The following CSF3R variants were observed in gnomAD, a reference collection of about 807,000 sequenced individuals.
CSF3R encodes granulocyte colony-stimulating factor receptor.
A neutral mutation model predicts 84.4 loss-of-function variants in CSF3R; 52 were observed. The ratio of observed to expected loss-of-function variants is 0.62; its 90% CI spans 0.49 to 0.78. The LOEUF is 0.78. Ranked by LOEUF, CSF3R falls within the 30% of genes least tolerant of loss-of-function variation. The pLI is 0.00. For synonymous variants in CSF3R, 384 were observed against 429.1 expected, an observed-to-expected ratio of 0.89 and a Z score of 1.30; for missense variants, 890 against 1,055.7, an observed-to-expected ratio of 0.84 and a Z score of 2.17.
At position 36,469,722 on chromosome 1, in the gene CSF3R, G is replaced by T; in HGVS notation, c.1404C>A (p.Pro468=). 6.2e-7 allele frequency: 1 copy of T among 1,613,910 alleles called. No individual in the cohort carries two copies. The change falls in exon 11 of 17, where the codon CCC becomes CCA. Residue 468 remains proline (P), a synonymous_variant. Coordinates refer to ENST00000373106, the MANE Select transcript of CSF3R (RefSeq NM_000760.4). ...AGGTCTTGTTGCTATTGCTCGCGCT[G>T]GGGGGGCCCAGGCCCCACTCAATCA... ...GYVIEWGLGP[P]SASNSNKTWR...
chr1:36,479,513 T>A lies in CSF3R; in HGVS notation c.-17A>T, dbSNP rs753584211. The A allele has an allele frequency of 2.5e-5, 40 of 1,613,390 alleles. No homozygotes were observed. Among genetic ancestry groups the A allele is most frequent in the Non-Finnish European group, 3.3e-5 (39 of 1,179,396 alleles). ...CCTTGCCATAGCACCAACTTGATGT[T>A]CACCTGTAGGCAGAAGGGTTGTTTA... On this transcript the variant is annotated 5_prime_UTR_variant, in exon 3 of 17. Transcript: ENST00000373106.
chr1:36,469,574 G>A (rs1312511222), intron 11 of CSF3R, 78 bp downstream of exon 11: 5 of 1,540,496 alleles, frequency 3.2e-6, no homozygotes, highest in Non-Finnish European at 4.5e-6. Flanking sequence ...GGCAGTTCAG[G>A]TTGTCCCATG....
chr1:36,473,470 AT>A lies in CSF3R; in HGVS notation c.637del (p.Met213CysfsTer13). On this transcript the variant is annotated frameshift_variant, in exon 6 of 17. Transcript: ENST00000373106. LOFTEE classifies it high-confidence loss of function. ...GGGATCAAGACACAGTTGTGGGGAC[AT>A]GCTGGTCCCCAGCGCATTCTCTGCC... Reference protein sequence around the residue: ...VQAENALGTSMSPQLCLDPMD... With the variant: ...VQAENALGTSXSPQLCLDPMD... 6.2e-7 allele frequency: 1 copy of A among 1,614,092 alleles called. No individual in the cohort carries two copies. The highest frequency in any genetic ancestry group is 8.5e-7 in the Non-Finnish European group (1 of 1,180,038).
In CSF3R at chr1:36,468,058, A is replaced by G. The variant is rs1240332326; in HGVS notation, c.1723+17T>C. 1 of 1,614,248 alleles carries G rather than the reference A, an allele frequency of 6.2e-7. No individual in the cohort carries two copies. Among genetic ancestry groups the G allele is most frequent in the South Asian group, 1.1e-5 (1 of 91,090 alleles). ...CCAGGCCTTCTGGGGCTGTGGGGGA[A>G]CTGAGGATAGACTCACAGAAGGACT... is the stretch of plus-strand genomic sequence containing the variant. On this transcript the variant is annotated intron_variant, in intron 13 of 16. Coordinates refer to ENST00000373106, the MANE Select transcript of CSF3R (RefSeq NM_000760.4).
intron 3 of CSF3R, chr1:36,478,863 A>G (rs1651345234): frequency 5.0e-6 from 1 of 198,084 alleles, no homozygotes; most frequent in Non-Finnish European, 1.1e-5. Context: ...AAACGAACAA[A>G]CAAACAAACA....
Position 36,473,415 on chromosome 1 carries a change from C to T in CSF3R, c.673+20G>A, listed in dbSNP as rs926138175. 81 of 1,612,140 alleles carry T rather than the reference C, an allele frequency of 5.0e-5. No homozygotes were observed. The highest frequency in any genetic ancestry group is 6.1e-5 in the Non-Finnish European group (72 of 1,179,152). On this transcript the variant is annotated intron_variant, in intron 6 of 16. Coordinates refer to ENST00000373106, the MANE Select transcript of CSF3R (RefSeq NM_000760.4). The stretch of plus-strand genomic sequence containing the variant: ...TGTCTGCCCATTTTGGGGATCCCCT[C>T]CCTCCCCTGCATCACCCACCAACAT...
intron 6 of CSF3R, 37 bp downstream of exon 6, chr1:36,473,398 C>A (rs563516833): frequency 1.2e-6 from 2 of 1,608,846 alleles, no homozygotes; most frequent in Non-Finnish European, 1.7e-6. Context: ...AGTGTCTGCC[C>A]ATTTTGGGGA....
chr1:36,474,208 T>C (rs1650971018), intron 4 of CSF3R, among the ~76,000 whole-genome samples: 1 of 152,142 alleles, frequency 6.6e-6, no homozygotes, highest in Non-Finnish European at 1.5e-5. Flanking sequence ...AGCCCTGTGA[T>C]CTTGAAGTTA....
Position 36,472,066 on chromosome 1 carries a change from C to T in CSF3R, c.1071G>A (p.Lys357=), listed in dbSNP as rs1329984526. The change falls in exon 9 of 17, where the codon AAG becomes AAA. Residue 357 remains lysine, a splice_region_variant and synonymous_variant. Coordinates refer to ENST00000373106, the MANE Select transcript of CSF3R (RefSeq NM_000760.4). The surrounding 1 kb of genome is among the most constrained non-coding windows in gnomAD (Gnocchi z 5.0). ...LDPRTVQLFW[K]PVPLEEDSGR... ...AGGGATGGCCTTCAGAGGGAGTCAC[C>T]TTCCAGAACAGCTGCACTGTCCTGG... 1 of 1,613,386 alleles carries T rather than the reference C, an allele frequency of 6.2e-7. No homozygotes were observed. Among genetic ancestry groups the T allele is most frequent in the Non-Finnish European group, 8.5e-7 (1 of 1,179,996 alleles).
At chr1:36,473,398 C>T (rs563516833) in intron 6 of CSF3R, 37 bp downstream of exon 6, 1 of 1,608,846 alleles carries the variant, frequency 6.2e-7, no homozygotes, top group South Asian at 1.1e-5. Flanking sequence ...AGTGTCTGCC[C>T]ATTTTGGGGA....
At chr1:36,480,635 T>A (rs1198361710) in intron 2 of CSF3R, among the ~76,000 whole-genome samples, 1 of 152,190 alleles carries the variant, frequency 6.6e-6, no homozygotes, top group Non-Finnish European at 1.5e-5. Context: ...CACGTACATA[T>A]CTGGACACAT....
chr1:36,469,322 A>G, intron 11 of CSF3R, 65 bp from the exon 12 acceptor site: 1 of 1,292,976 alleles, frequency 7.7e-7, no homozygotes, highest in Non-Finnish European at 1.1e-6. Flanking sequence ...ATCAGGAGCT[A>G]GCCTCAGACC....
At chr1:36,482,395 G>A (rs1651585176) in intron 1 of CSF3R, among the ~76,000 whole-genome samples, 1 of 152,026 alleles carries the variant, frequency 6.6e-6, no homozygotes. Context: ...ATGCGAGACA[G>A]AGAAACTCAG....
In CSF3R at chr1:36,473,565, G is replaced by A; in HGVS notation, c.543C>T (p.Asp181=). The A allele has an allele frequency of 4.3e-6, 7 of 1,614,186 alleles. No individual in the cohort carries two copies. Among genetic ancestry groups the A allele is most frequent in the Non-Finnish European group, 4.2e-6 (5 of 1,180,056 alleles). The change falls in exon 6 of 17, where the codon GAC becomes GAT. Residue 181 remains aspartate (D), a synonymous_variant. Transcript: ENST00000373106. ...GTGGGATGCAGCAGTGGCTCTGCCC[G>A]TCCTTGGGCACGCAGTCCAGGATGG... ...GDSILDCVPK[D]GQSHCCIPRK...
Position 36,467,312 on chromosome 1 carries a change from C to T in CSF3R, c.1959-1G>A. The T allele has an allele frequency of 6.2e-7, 1 of 1,614,196 alleles. No individual in the cohort carries two copies. The highest frequency in any genetic ancestry group is 8.5e-7 in the Non-Finnish European group (1 of 1,180,020). The stretch of plus-strand genomic sequence containing the variant: ...ACTTGGCCAGAGGGGATTCTTCCTG[C>T]TGGAGAAGGGGGCAGGTGGAGGCTG... On this transcript the variant is annotated splice_acceptor_variant, in intron 15 of 16. Transcript: ENST00000373106. LOFTEE classifies it high-confidence loss of function. The surrounding 1 kb of genome is among the most constrained non-coding windows in gnomAD (Gnocchi z 4.1).
At position 36,473,179 on chromosome 1, in the gene CSF3R, T is replaced by C. The variant is rs114078514; in HGVS notation, c.673+256A>G. 1,700 of 557,568 alleles carry C rather than the reference T, an allele frequency of 3.0e-3. 24 individuals are homozygous for C. Among genetic ancestry groups the C allele is most frequent in the African/African-American group, 0.028 (1,478 of 53,170 alleles). The allele number at this position is 557,568 out of a possible 1,614,324, so 34.5% of individuals were successfully genotyped here. ...AGTACCTAGAGCAGTGCCTAACATGTAGTGGGTGCTTTAGGAAACACGCTG... is the reference window on the plus strand; with the variant it reads ...AGTACCTAGAGCAGTGCCTAACATGCAGTGGGTGCTTTAGGAAACACGCTG... On this transcript the variant is annotated intron_variant, in intron 6 of 16. Transcript: ENST00000373106.
intron 3 of CSF3R, 88 bp from the exon 4 acceptor site, chr1:36,475,761 G>A: frequency 7.6e-7 from 1 of 1,318,450 alleles, no homozygotes; most frequent in South Asian, 1.5e-5. Flanking sequence ...TAGACTCAGA[G>A]GCCTCACCTT....
At chr1:36,482,954 G>T (rs959973088), upstream of CSF3R, 4 of 152,256 alleles carry the variant, frequency 2.6e-5, no homozygotes, top group African/African-American at 9.7e-5. Flanking sequence ...GGGGGCTGGG[G>T]ATTGCAACAC....
chr1:36,470,759 G>A (rs1650660914), intron 10 of CSF3R, among the ~76,000 whole-genome samples: 1 of 152,190 alleles, frequency 6.6e-6, no homozygotes, highest in Non-Finnish European at 1.5e-5. Flanking sequence ...GTTCCAAGTG[G>A]AAAAGCCTGG....
Sources: allele counts gnomAD v4.1 joint callset (sites outside exome capture counted in the v4.1 genomes callset), GRCh38; gene constraint gnomAD v4.1.1; non-coding constraint Gnocchi (gnomAD v3.1); transcripts MANE v1.5; gene names NCBI Gene and HGNC (gene_info 2026-07-23, HGNC 2026-07-21).